Variants in DCLK1 observed in about 807,000 individuals in gnomAD.
DCLK1 encodes serine/threonine-protein kinase DCLK1.
A neutral mutation model predicts 86.2 loss-of-function variants in DCLK1; 16 were observed. The ratio of observed to expected loss-of-function variants is 0.19; its 90% CI spans 0.13 to 0.28. The LOEUF is 0.28. Ranked by LOEUF, DCLK1 falls within the 10% of genes least tolerant of loss-of-function variation. The probability of loss-of-function intolerance (pLI) is 1.00; values close to 1 mark genes in which losing one functional copy is unlikely to be tolerated. For synonymous variants in DCLK1, 369 were observed against 370.5 expected, an observed-to-expected ratio of 1.00 and a Z score of 0.05; for missense variants, 590 against 940.2, an observed-to-expected ratio of 0.63 and a Z score of 4.87.
Position 35,808,271 on chromosome 13 carries a change from C to T in DCLK1, c.1816G>A (p.Val606Met), listed in dbSNP as rs572820868. Residue 606 changes from valine to methionine, a missense_variant, in exon 14 of 17, where the codon GTG becomes ATG. Physicochemically the swap from Val to Met is conservative, Grantham distance 21. Coordinates refer to ENST00000360631, the MANE Select transcript of DCLK1 (RefSeq NM_001330071.2). ...VLFDQILMGQ[V>M]DFPSPYWDNV... Reference sequence around the variant, plus strand: ...TCCCAGTATGGAGAAGGAAAGTCCACCTGCCCCATCAAAATCTGATCAAAA... The same window carrying T: ...TCCCAGTATGGAGAAGGAAAGTCCATCTGCCCCATCAAAATCTGATCAAAA... 1 of 1,614,106 alleles carries T rather than the reference C, an allele frequency of 6.2e-7. No homozygotes were observed. The highest frequency in any genetic ancestry group is 1.3e-5 in the African/African-American group (1 of 75,028).
intron 4 of DCLK1, among the ~76,000 whole-genome samples, chr13:35,932,550 G>A (rs1383038000): frequency 6.6e-6 from 1 of 152,198 alleles, no homozygotes; most frequent in African/African-American, 2.4e-5. Flanking sequence ...CACAATCATG[G>A]CAGAAGGCAA....
At chr13:36,126,361 T>C (rs1886189008) in intron 1 of DCLK1, among the ~76,000 whole-genome samples, 1 of 152,124 alleles carries the variant, frequency 6.6e-6, no homozygotes, top group Non-Finnish European at 1.5e-5. Context: ...TCCCAGAGTA[T>C]CCGGGACTAC....
intron 3 of DCLK1, among the ~76,000 whole-genome samples, chr13:36,032,072 T>C (rs893913419): frequency 2.4e-4 from 37 of 152,256 alleles, no homozygotes; most frequent in African/African-American, 8.7e-4. Context: ...GGTTGTCAAC[T>C]GTAAATTAGG....
At chr13:35,843,434 T>C (rs1004922356) in intron 6 of DCLK1, among the ~76,000 whole-genome samples, 2 of 152,152 alleles carry the variant, frequency 1.3e-5, no homozygotes, top group Non-Finnish European at 2.9e-5. Flanking sequence ...CTTGGGATCA[T>C]ATAACAGATG....
At chr13:35,987,438 G>A (rs902310164) in intron 3 of DCLK1, among the ~76,000 whole-genome samples, 3 of 152,066 alleles carry the variant, frequency 2.0e-5, no homozygotes, top group Admixed American at 6.6e-5. Context: ...GCAGTGAGGC[G>A]CCAGCCACTG....
chr13:35,836,623 T>A (rs1869403629), intron 7 of DCLK1, among the ~76,000 whole-genome samples: 1 of 152,184 alleles, frequency 6.6e-6, no homozygotes, highest in Non-Finnish European at 1.5e-5. Context: ...AATGGAAATC[T>A]CCGTAAAATT....
At chr13:36,006,647 T>C (rs930512734) in intron 3 of DCLK1, among the ~76,000 whole-genome samples, 1 of 152,018 alleles carries the variant, frequency 6.6e-6, no homozygotes, top group Admixed American at 6.6e-5. Context: ...GGAGAAAAAA[T>C]TACTTCATTT....
intron 16 of DCLK1, among the ~76,000 whole-genome samples, chr13:35,792,293 G>T (rs1312789352): frequency 1.3e-5 from 2 of 152,064 alleles, no homozygotes; most frequent in East Asian, 1.9e-4. Context: ...GCAAATTCTG[G>T]AACCTCATAT....
In DCLK1 at chr13:35,774,478, G is replaced by A; in HGVS notation, c.*57C>T. 6.5e-7 allele frequency: 1 copy of A among 1,538,370 alleles called. No homozygotes were observed. The highest frequency in any genetic ancestry group is 8.8e-7 in the Non-Finnish European group (1 of 1,138,728). On this transcript the variant is annotated 3_prime_UTR_variant, in exon 17 of 17. Coordinates refer to ENST00000360631, the MANE Select transcript of DCLK1 (RefSeq NM_001330071.2). ...GAAACTGTTTTACACAAATTTGGGG[G>A]AAAAAAATCTCAGAGTCTCAAAGGG... is the stretch of plus-strand genomic sequence containing the variant.
At chr13:35,884,353 A>G (rs558207009) in intron 4 of DCLK1, among the ~76,000 whole-genome samples, 5 of 152,360 alleles carry the variant, frequency 3.3e-5, no homozygotes, top group African/African-American at 1.2e-4. Flanking sequence ...CCCAGTTGAA[A>G]GCAGACTTTG....
chr13:35,849,915 GTA>G, intron 6 of DCLK1: 1 of 955,508 alleles, frequency 1.0e-6, no homozygotes, highest in South Asian at 4.8e-5. Context: ...AAAAAATTAT[GTA>G]TATGATTGTA....
At position 36,110,932 on chromosome 13, in the gene DCLK1, G is replaced by A. The variant is rs568496774; in HGVS notation, c.723+937C>T. On this transcript the variant is annotated intron_variant, in intron 3 of 16. Coordinates refer to ENST00000360631, the MANE Select transcript of DCLK1 (RefSeq NM_001330071.2). ...TGCAAGCTCCGCCTCCCGGGTTCAC[G>A]CCATTCTCCTGCCTCAGCCCCCTGA... Among the ~76,000 whole-genome samples, 270 of 148,332 alleles carry A rather than the reference G, an allele frequency of 1.8e-3. 1 individual carries two copies. The highest frequency in any genetic ancestry group is 3.6e-3 in the Middle Eastern group (1 of 276).
chr13:36,077,004 G>A (rs970492516), intron 3 of DCLK1, among the ~76,000 whole-genome samples: 4 of 152,144 alleles, frequency 2.6e-5, no homozygotes. Flanking sequence ...AGCTGGAGAG[G>A]AGGAGGGAGA....
intron 16 of DCLK1, among the ~76,000 whole-genome samples, chr13:35,784,279 G>GACATTTCAA (rs2086581169): frequency 6.6e-6 from 1 of 152,096 alleles, no homozygotes; most frequent in Non-Finnish European, 1.5e-5. Context: ...ATTAAGACTT[G>GACATTTCAA]GAATGCCATG....
chr13:36,045,328 G>GTATA lies in DCLK1; in HGVS notation c.723+66540_723+66541insTATA, dbSNP rs1257247083. 4.9e-3 allele frequency among the ~76,000 whole-genome samples: 220 copies of GTATA among 45,136 alleles called. 1 individual carries two copies. The highest frequency in any genetic ancestry group is 7.3e-3 in the Non-Finnish European group (188 of 25,760). The allele number at this position is 45,136 out of a possible 152,430, so 29.6% of individuals were successfully genotyped here. A position where few individuals can be genotyped will look rare whatever the true frequency, so the allele number is the denominator to read the frequency against. ...TATATATGTCTATATATGTGTGTGTGTGTGTATATATATATATATATATAT... is the reference window on the plus strand; with the variant it reads ...TATATATGTCTATATATGTGTGTGTGTATATGTGTATATATATATATATATATAT... On this transcript the variant is annotated intron_variant, in intron 3 of 16. Coordinates refer to ENST00000360631, the MANE Select transcript of DCLK1 (RefSeq NM_001330071.2).
intron 4 of DCLK1, among the ~76,000 whole-genome samples, chr13:35,888,889 T>C (rs193258253): frequency 6.6e-6 from 1 of 152,352 alleles, no homozygotes; most frequent in Admixed American, 6.5e-5. Flanking sequence ...AACTGCAAGG[T>C]AAACTTGTAT....
chr13:35,813,844 C>T (rs1420790990), intron 11 of DCLK1, among the ~76,000 whole-genome samples: 1 of 150,018 alleles, frequency 6.7e-6, no homozygotes, highest in African/African-American at 2.4e-5. Context: ...AAGGCCAATT[C>T]CATGTAATTG....
At chr13:35,880,227 C>A (rs1170440000) in intron 4 of DCLK1, among the ~76,000 whole-genome samples, 9 of 152,198 alleles carry the variant, frequency 5.9e-5, no homozygotes, top group Non-Finnish European at 1.5e-5. Context: ...CATTGCTTAA[C>A]CATCCTGAGA....
chr13:35,779,069 G>T (rs895912197), intron 16 of DCLK1, among the ~76,000 whole-genome samples: 1 of 151,918 alleles, frequency 6.6e-6, no homozygotes, highest in African/African-American at 2.4e-5. Flanking sequence ...AGGCTGGAGT[G>T]CAGTGGCACA....
Sources: gnomAD v4.1 joint callset for allele counts (sites outside exome capture counted in the v4.1 genomes callset) on GRCh38, gnomAD v4.1.1 for gene constraint, MANE v1.5 for transcripts, NCBI Gene and HGNC (gene_info 2026-07-23, HGNC 2026-07-21) for gene names.